Variants in IRF8 observed in about 807,000 individuals in gnomAD.
The protein encoded by IRF8 is interferon consensus sequence binding protein 1.
Under a neutral mutation model 48.7 loss-of-function variants are expected in IRF8, and 14 were observed. The ratio of observed to expected loss-of-function variants is 0.29; its 90% CI spans 0.19 to 0.45. IRF8 has a LOEUF of 0.45. Among genes scored for constraint, IRF8 ranks in the 20% least tolerant of loss-of-function variants. The pLI is 1.00. For synonymous variants in IRF8, 278 were observed against 227.3 expected (o/e 1.22, Z -2.01); for missense variants, 493 against 580.7 (o/e 0.85, Z 1.55).
intron 1 of IRF8, among the ~76,000 whole-genome samples, chr16:85,901,927 ATT>A (rs58626896): frequency 0.037 from 4,814 of 130,958 alleles, 239 homozygotes; most frequent in African/African-American, 0.12. Context: ...CAAAAATGCT[ATT>A]TTTTTTTTTT....
At chr16:85,904,731 C>A (rs1223429901) in intron 2 of IRF8, among the ~76,000 whole-genome samples, 3 of 151,620 alleles carry the variant, frequency 2.0e-5, no homozygotes. Flanking sequence ...GGAGCCTCAG[C>A]ACCAAGAAGT....
chr16:85,920,089 C>T lies in IRF8; in HGVS notation c.989-20C>T. 1 of 1,588,570 alleles carries T rather than the reference C, an allele frequency of 6.3e-7. No homozygotes were observed. The highest frequency in any genetic ancestry group is 1.3e-5 in the African/African-American group (1 of 74,572). ...CATCTCGGCCTTGCTTGCAAACACC[C>T]TCTGCCTGTGTCATTCCAGAGCTGC... On this transcript the variant is annotated intron_variant, in intron 7 of 8. Transcript: ENST00000268638.
At chr16:85,920,015 G>T (rs28368115) in intron 7 of IRF8, 94 bp from the exon 8 acceptor site, 11,114 of 904,446 alleles carry the variant, frequency 0.012, 111 homozygotes, top group South Asian at 0.02. Context: ...AATGCTACAA[G>T]CCCTGGGCCT....
chr16:85,909,163 A>G lies in IRF8; in HGVS notation c.348A>G (p.Glu116=). 6.2e-7 allele frequency: 1 copy of G among 1,614,150 alleles called. No individual in the cohort carries two copies. Among genetic ancestry groups the G allele is most frequent in the Non-Finnish European group, 8.5e-7 (1 of 1,179,996 alleles). Residue 116 remains glutamate, a synonymous_variant, in exon 3 of 9, where the codon GAA becomes GAG. Transcript: ENST00000268638. ...PYKVYRIVPE[E]EQKCKLGVAT... ...AAGTTTACCGAATTGTTCCTGAGGA[A>G]GAGCAAAAATGTAACTATCCTTTAT...
intron 1 of IRF8, among the ~76,000 whole-genome samples, chr16:85,900,147 A>G (rs1904784119): frequency 6.6e-6 from 1 of 152,150 alleles, no homozygotes; most frequent in Non-Finnish European, 1.5e-5. Context: ...TTTCTGGTCT[A>G]GTGATGCGGG....
chr16:85,911,802 C>T, intron 4 of IRF8, 144 bp downstream of exon 4: 1 of 715,668 alleles, frequency 1.4e-6, no homozygotes, highest in Non-Finnish European at 2.4e-6. Context: ...CTGTACAGAT[C>T]TGGAACGGAA....
chr16:85,921,083 G>A (rs1469463597), intron 8 of IRF8, 23 bp from the exon 9 acceptor site: 5 of 1,602,734 alleles, frequency 3.1e-6, no homozygotes, highest in East Asian at 2.3e-5. Flanking sequence ...CTCTGCCTCT[G>A]ACTTTCTGCA....
chr16:85,909,616 C>CCTG, intron 3 of IRF8: 1 of 233,454 alleles, frequency 4.3e-6, no homozygotes, highest in Non-Finnish European at 8.6e-6. Flanking sequence ...TGGGATATGC[C>CCTG]TCAGTGTGTT....
rs1417489426 is a variant in IRF8, at chr16:85,921,138, A to G, written c.1137A>G (p.Glu379=). Residue 379 remains glutamate (E), a synonymous_variant, in exon 9 of 9, where the codon GAA becomes GAG. Transcript: ENST00000268638. The stretch of plus-strand genomic sequence containing the variant: ...AGCTGTATGTCCGGCAACTGGCAGA[A>G]GAGGCTGGGAAGAGCTGTGGAGCCG... ...IEQLYVRQLA[E]EAGKSCGAGS... 6 of 1,613,962 alleles carry G rather than the reference A, an allele frequency of 3.7e-6. No individual in the cohort carries two copies. The South Asian group carries it at 5.5e-5, about 15-fold the overall frequency.
chr16:85,900,428 CGTTT>C (rs1904793606), intron 1 of IRF8, among the ~76,000 whole-genome samples: 1 of 152,174 alleles, frequency 6.6e-6, no homozygotes, highest in Non-Finnish European at 1.5e-5. Context: ...TGGTGGAATT[CGTTT>C]GTTAATGTTT....
chr16:85,900,617 G>A (rs1904798417), intron 1 of IRF8, among the ~76,000 whole-genome samples: 1 of 152,192 alleles, frequency 6.6e-6, no homozygotes. Context: ...CTGGCGTTGG[G>A]GCGCCGGCCT....
chr16:85,921,426 G>C lies in IRF8; in HGVS notation c.*144G>C, dbSNP rs898565904. 19 of 876,622 alleles carry C rather than the reference G, an allele frequency of 2.2e-5. No individual in the cohort carries two copies. The African/African-American group carries it at 2.5e-4, about 11-fold the overall frequency. The allele number at this position is 876,622 out of a possible 1,614,324, so 54.3% of individuals were successfully genotyped here. On this transcript the variant is annotated 3_prime_UTR_variant, in exon 9 of 9. Coordinates refer to ENST00000268638, the MANE Select transcript of IRF8 (RefSeq NM_002163.4). Reference sequence around the variant, plus strand: ...CACTTAATTTAATAAGGGCATTCTCGGAGGAGTAGACGTTTAATACGAAGT... The same window carrying C: ...CACTTAATTTAATAAGGGCATTCTCCGAGGAGTAGACGTTTAATACGAAGT...
Position 85,920,140 on chromosome 16 carries a change from G to C in IRF8, c.1020G>C (p.Arg340=). Residue 340 remains arginine (R), a synonymous_variant, in exon 8 of 9, where the codon CGG becomes CGC. Transcript: ENST00000268638. ...AGCAGTTCTATAACAGCCAGGGCCG[G>C]CTTCCTGACGGCAGGGTGGTGCTGT... ...ELQQFYNSQG[R]LPDGRVVLCF... 2 of 1,614,110 alleles carry C rather than the reference G, an allele frequency of 1.2e-6. No individual in the cohort carries two copies. The highest frequency in any genetic ancestry group is 1.7e-6 in the Non-Finnish European group (2 of 1,179,992).
chr16:85,911,775 G>A, intron 4 of IRF8, 117 bp downstream of exon 4: 2 of 807,726 alleles, frequency 2.5e-6, no homozygotes, highest in Non-Finnish European at 4.1e-6. Context: ...GGCTCGCTGA[G>A]GAAGTGGCAT....
At chr16:85,907,189 C>A (rs1167020878) in intron 2 of IRF8, among the ~76,000 whole-genome samples, 2 of 152,204 alleles carry the variant, frequency 1.3e-5, no homozygotes, top group Non-Finnish European at 2.9e-5. Context: ...AGTCTCTTTA[C>A]CCCAGGTAGA....
chr16:85,921,724 T>G lies in IRF8; in HGVS notation c.*442T>G. The G allele has an allele frequency of 4.6e-6, 1 of 219,460 alleles. No individual in the cohort carries two copies. The highest frequency in any genetic ancestry group is 9.2e-6 in the Non-Finnish European group (1 of 108,660). 13.6% of individuals were successfully genotyped at this position (219,460 alleles called of 1,614,324 possible). ...TTTGTTAGAGTTATAGATTTATGAT[T>G]TCATAGGCTTGATTCTATGTGAAAT... On this transcript the variant is annotated 3_prime_UTR_variant, in exon 9 of 9. Coordinates refer to ENST00000268638, the MANE Select transcript of IRF8 (RefSeq NM_002163.4).
chr16:85,902,342 A>G (rs1348272146), intron 1 of IRF8, among the ~76,000 whole-genome samples: 1 of 152,166 alleles, frequency 6.6e-6, no homozygotes, highest in Non-Finnish European at 1.5e-5. Context: ...CAGTACAGGT[A>G]GTGTTTTGTT....
At chr16:85,915,667 C>G (rs1905280927) in intron 6 of IRF8, among the ~76,000 whole-genome samples, 1 of 152,226 alleles carries the variant, frequency 6.6e-6, no homozygotes, top group Admixed American at 6.5e-5. Flanking sequence ...CTCACAGGGT[C>G]TCAGTTCTGG....
At chr16:85,913,498 T>TCC (rs150611258) in intron 5 of IRF8, among the ~76,000 whole-genome samples, 15,027 of 152,200 alleles carry the variant, frequency 0.099, 847 homozygotes, top group African/African-American at 0.12. Flanking sequence ...ATGCCAGCTC[T>TCC]CCCCACGCTC....
Sources: allele counts gnomAD v4.1 joint callset (sites outside exome capture counted in the v4.1 genomes callset), GRCh38; gene constraint gnomAD v4.1.1; transcripts MANE v1.5; gene names NCBI Gene and HGNC (gene_info 2026-07-23, HGNC 2026-07-21).